Variants in ZNG1F observed in about 807,000 individuals in gnomAD.
ZNG1F encodes zinc-regulated GTPase metalloprotein activator 1F.
chr9:41,169,727 T>A, the ZNG1F span, among the ~76,000 whole-genome samples: 1 of 147,070 alleles, frequency 6.8e-6, no homozygotes, highest in African/African-American at 2.6e-5. Context: ...AGATCTTAAT[T>A]GTTCTTACCA....
At chr9:41,142,671 A>AAAAAAAAAAAAC in the ZNG1F span, among the ~76,000 whole-genome samples, 1 of 74,426 alleles carries the variant, frequency 1.3e-5, no homozygotes. Context: ...AAAAAAAAAA[A>AAAAAAAAAAAAC]AAAATACAAA....
chr9:41,144,027 T>C, the ZNG1F span, among the ~76,000 whole-genome samples: 2 of 32,428 alleles, frequency 6.2e-5, 1 homozygote, highest in African/African-American at 1.3e-4. Flanking sequence ...GCTCCACATG[T>C]GATTCTGATT....
chr9:41,152,357 CCTTAGAGACCTACAAAGAGA>C, the ZNG1F span, among the ~76,000 whole-genome samples: 1 of 149,462 alleles, frequency 6.7e-6, no homozygotes, highest in Non-Finnish European at 1.5e-5. Context: ...TAAAGCAAGT[CCTTAGAGACCTACAAAGAGA>C]CTTAGACTCC....
the ZNG1F span, among the ~76,000 whole-genome samples, chr9:41,154,903 A>G: frequency 7.6e-4 from 114 of 150,220 alleles, no homozygotes; most frequent in Non-Finnish European, 1.2e-4. Context: ...TAAAAACCCT[A>G]GAAGAAAACC....
At chr9:41,174,320 C>T in the ZNG1F span, 7 of 1,594,000 alleles carry the variant, frequency 4.4e-6, no homozygotes, top group Non-Finnish European at 6.0e-6. Flanking sequence ...CTCCCTAATT[C>T]GGCATCAACC....
chr9:41,195,711 C>T, the ZNG1F span, among the ~76,000 whole-genome samples: 23 of 94,210 alleles, frequency 2.4e-4, no homozygotes, highest in African/African-American at 7.2e-4. Context: ...GGTGGAATGA[C>T]AGGAGTGGAG....
the ZNG1F span, among the ~76,000 whole-genome samples, chr9:41,169,859 G>C: frequency 7.0e-5 from 10 of 143,712 alleles, no homozygotes; most frequent in Admixed American, 4.3e-4. Context: ...AAAGCTGGGG[G>C]GTTAGAGAGA....
chr9:41,183,795 C>T, the ZNG1F span: 2 of 1,473,118 alleles, frequency 1.4e-6, no homozygotes, highest in Non-Finnish European at 1.8e-6. Flanking sequence ...TATATTCTTT[C>T]ACTTTATTCA....
the ZNG1F span, chr9:41,146,048 G>T: frequency 7.1e-6 from 1 of 140,988 alleles, no homozygotes; most frequent in Admixed American, 7.5e-5. Context: ...GGGTAAATTA[G>T]TAACAGCAAG....
the ZNG1F span, chr9:41,165,194 C>T: frequency 1.0e-6 from 1 of 992,352 alleles, no homozygotes; most frequent in South Asian, 1.7e-5. Context: ...TAAATAAAAA[C>T]ACCTCATGTA....
chr9:41,203,572 AC>A, the ZNG1F span, among the ~76,000 whole-genome samples: 1 of 138,206 alleles, frequency 7.2e-6, no homozygotes, highest in African/African-American at 2.7e-5. Context: ...TACTTGCTTG[AC>A]TTTTTACTCT....
the ZNG1F span, chr9:41,158,931 GAAGTA>G: frequency 6.1e-4 from 86 of 141,032 alleles, no homozygotes; most frequent in African/African-American, 2.1e-3. Flanking sequence ...GTAAGAGAAT[GAAGTA>G]AACAAAAAAG....
chr9:41,173,723 G>A, the ZNG1F span, among the ~76,000 whole-genome samples: 1 of 32,154 alleles, frequency 3.1e-5, no homozygotes, highest in African/African-American at 5.4e-5. Flanking sequence ...AACCTACAAA[G>A]CATTTTTTTT....
the ZNG1F span, among the ~76,000 whole-genome samples, chr9:41,150,278 C>G: frequency 6.7e-6 from 1 of 150,054 alleles, no homozygotes; most frequent in African/African-American, 2.5e-5. Context: ...CTTAAAAAAC[C>G]GCGCACCAGG....
At chr9:41,185,548 C>T in the ZNG1F span, among the ~76,000 whole-genome samples, 5 of 147,856 alleles carry the variant, frequency 3.4e-5, no homozygotes, top group African/African-American at 1.2e-4. Context: ...TGGCGCATGC[C>T]TGTAGTCCCA....
At chr9:41,132,608 T>A in the ZNG1F span, 1 of 1,218,266 alleles carries the variant, frequency 8.2e-7, no homozygotes, top group East Asian at 3.6e-5. Context: ...ATAAAGTTAA[T>A]ACATATATTA....
chr9:41,196,134 G>A, the ZNG1F span: 3 of 54,730 alleles, frequency 5.5e-5, no homozygotes, highest in Non-Finnish European at 9.1e-5. Context: ...CCAATACAGG[G>A]TAATTTATAA....
chr9:41,174,074 T>C, the ZNG1F span, among the ~76,000 whole-genome samples: 1 of 146,330 alleles, frequency 6.8e-6, no homozygotes, highest in Admixed American at 6.9e-5. Flanking sequence ...ATCCAAAAAT[T>C]AGCCAGGTAC....
chr9:41,187,078 T>C, the ZNG1F span, among the ~76,000 whole-genome samples: 2 of 147,332 alleles, frequency 1.4e-5, no homozygotes, highest in Non-Finnish European at 3.0e-5. Context: ...AAAGGGTGAA[T>C]GTAAGAAATC....
Sources: gnomAD v4.1 joint callset for allele counts (sites outside exome capture counted in the v4.1 genomes callset) on GRCh38, gnomAD v4.1.1 for gene constraint, MANE v1.5 for transcripts, NCBI Gene and HGNC (gene_info 2026-07-23, HGNC 2026-07-21) for gene names.